Variants in CELF2 observed in about 807,000 individuals in gnomAD.
The protein encoded by CELF2 is CUG triplet repeat RNA-binding protein 2.
A neutral mutation model predicts 62.6 loss-of-function variants in CELF2; 8 were observed. The ratio of observed to expected loss-of-function variants is 0.13; its 90% CI spans 0.07 to 0.23. CELF2 has a LOEUF of 0.23. CELF2 is among the 10% of genes least tolerant of loss of function. CELF2 has a pLI of 1.00. For synonymous variants in CELF2, 258 were observed against 250.0 expected, an observed-to-expected ratio of 1.03 and a Z score of -0.30; for missense variants, 333 against 671.0, an observed-to-expected ratio of 0.50 and a Z score of 5.56.
At chr10:10,669,840 A>G in the CELF2 span, among the ~76,000 whole-genome samples, 6 of 146,886 alleles carry the variant, frequency 4.1e-5, no homozygotes, top group Non-Finnish European at 9.0e-5. Context: ...TCATAGTATT[A>G]TTGCTTTTTG....
chr10:10,500,480 C>T, the CELF2 span, among the ~76,000 whole-genome samples: 1 of 152,130 alleles, frequency 6.6e-6, no homozygotes, highest in African/African-American at 2.4e-5. Context: ...GAATAAGTCT[C>T]ACAAGATCTG....
At chr10:10,863,749 G>A (rs940153627) in intron 1 of CELF2, among the ~76,000 whole-genome samples, 2 of 152,060 alleles carry the variant, frequency 1.3e-5, no homozygotes, top group East Asian at 1.9e-4. Flanking sequence ...ATATGCAAAC[G>A]TAAGTGAAAC....
chr10:10,634,448 A>C, the CELF2 span, among the ~76,000 whole-genome samples: 2 of 152,174 alleles, frequency 1.3e-5, no homozygotes, highest in South Asian at 4.1e-4. Context: ...GCTGATTCTC[A>C]TGTTTTGCAA....
At chr10:10,540,161 G>A in the CELF2 span, among the ~76,000 whole-genome samples, 2 of 152,196 alleles carry the variant, frequency 1.3e-5, no homozygotes, top group African/African-American at 4.8e-5. Flanking sequence ...GATGAAAAGG[G>A]ACTTCAAAGT....
Position 11,290,374 on chromosome 10 carries a change from G to C in CELF2, c.976+1822G>C, listed in dbSNP as rs1326229490. On this transcript the variant is annotated intron_variant, in intron 9 of 12. Transcript: ENST00000633077. This position sits in a 1 kb window ranked among gnomAD's most constrained non-coding sequence, Gnocchi z 4.3. ...GAGGCAGAGGACAGAGCCAGTGGGT[G>C]GGGGAGAGCGGAGTGGGGGCTCTGT... Among the ~76,000 whole-genome samples, 1 of 152,132 alleles carries C rather than the reference G, an allele frequency of 6.6e-6. No individual in the cohort carries two copies. The highest frequency in any genetic ancestry group is 1.9e-4 in the East Asian group (1 of 5,196).
At chr10:10,695,892 C>G in the CELF2 span, among the ~76,000 whole-genome samples, 1 of 151,560 alleles carries the variant, frequency 6.6e-6, no homozygotes, top group Non-Finnish European at 1.5e-5. Flanking sequence ...ATTGGTTATT[C>G]TAGATATACA....
At chr10:11,064,959 A>G (rs79817326) in intron 1 of CELF2, among the ~76,000 whole-genome samples, 1 of 152,190 alleles carries the variant, frequency 6.6e-6, no homozygotes, top group Non-Finnish European at 1.5e-5. Context: ...CTTTCTCAAG[A>G]TGTATGTGTC....
At chr10:10,515,767 G>T in the CELF2 span, among the ~76,000 whole-genome samples, 1 of 152,162 alleles carries the variant, frequency 6.6e-6, no homozygotes, top group Non-Finnish European at 1.5e-5. Flanking sequence ...TGCGAATTTG[G>T]GTCAGTCACT....
At chr10:10,680,118 C>T in the CELF2 span, among the ~76,000 whole-genome samples, 3 of 151,910 alleles carry the variant, frequency 2.0e-5, no homozygotes, top group African/African-American at 4.8e-5. Context: ...GCACAAAACT[C>T]GGGTAGCATG....
intron 2 of CELF2, among the ~76,000 whole-genome samples, chr10:10,926,128 T>C (rs2065434246): frequency 6.6e-6 from 1 of 152,094 alleles, no homozygotes; most frequent in Admixed American, 6.6e-5. Flanking sequence ...GTTCAAGAGG[T>C]CAGAGAAGGC....
the CELF2 span, among the ~76,000 whole-genome samples, chr10:10,672,402 G>A: frequency 1.3e-5 from 2 of 151,034 alleles, no homozygotes; most frequent in Non-Finnish European, 2.9e-5. Flanking sequence ...TACCTTCTAG[G>A]AGTTTTATAA....
intron 2 of CELF2, among the ~76,000 whole-genome samples, chr10:10,955,753 C>T (rs577000007): frequency 6.6e-6 from 1 of 152,154 alleles, no homozygotes; most frequent in African/African-American, 2.4e-5. Flanking sequence ...CTCTTATATA[C>T]AGCAATTTCA....
intron 2 of CELF2, among the ~76,000 whole-genome samples, chr10:10,955,186 C>G (rs887459090): frequency 6.6e-6 from 1 of 152,248 alleles, no homozygotes; most frequent in African/African-American, 2.4e-5. Flanking sequence ...AAAACAAACT[C>G]AGAGGCAATA....
intron 5 of CELF2, among the ~76,000 whole-genome samples, chr10:11,264,577 T>A (rs1241965931): frequency 6.6e-6 from 1 of 152,250 alleles, no homozygotes; most frequent in Non-Finnish European, 1.5e-5. Context: ...TCTCTTAGTG[T>A]TATTTCCTCT....
At chr10:10,697,503 G>T in the CELF2 span, among the ~76,000 whole-genome samples, 2 of 152,130 alleles carry the variant, frequency 1.3e-5, no homozygotes, top group East Asian at 3.9e-4. Context: ...AACAAAATAC[G>T]CTAGACTCGG....
chr10:10,766,051 C>A, the CELF2 span, among the ~76,000 whole-genome samples: 1 of 152,188 alleles, frequency 6.6e-6, no homozygotes, highest in East Asian at 1.9e-4. Flanking sequence ...ACCTGAGAAA[C>A]CAAGTGCTCC....
intron 1 of CELF2, among the ~76,000 whole-genome samples, chr10:11,074,187 A>C (rs1424455116): frequency 1.3e-5 from 2 of 152,214 alleles, no homozygotes; most frequent in Non-Finnish European, 2.9e-5. Context: ...TACCAAATTC[A>C]AACTAGCTTT....
chr10:10,910,219 T>A (rs1327132013), intron 1 of CELF2, among the ~76,000 whole-genome samples: 1 of 152,238 alleles, frequency 6.6e-6, no homozygotes, highest in African/African-American at 2.4e-5. Flanking sequence ...ATTATTTTGG[T>A]GTGTTTTTCC....
At chr10:10,574,775 T>C in the CELF2 span, among the ~76,000 whole-genome samples, 3 of 152,092 alleles carry the variant, frequency 2.0e-5, no homozygotes, top group African/African-American at 7.2e-5. Flanking sequence ...AGTGGCATGA[T>C]CTTTGCTCAC....
Sources: allele counts gnomAD v4.1 joint callset (sites outside exome capture counted in the v4.1 genomes callset), GRCh38; gene constraint gnomAD v4.1.1; non-coding constraint Gnocchi (gnomAD v3.1); transcripts MANE v1.5; gene names NCBI Gene and HGNC (gene_info 2026-07-23, HGNC 2026-07-21).